RBFOX1: variants seen among roughly 807,000 people sequenced by gnomAD.
The protein encoded by RBFOX1 is RNA binding protein fox-1 homolog 1.
RBFOX1 carries 8 observed loss-of-function variants against 57.7 expected under a neutral mutation model. That is an observed-to-expected ratio of 0.14 (90% CI 0.08 to 0.25). RBFOX1 has a LOEUF of 0.25. Among genes scored for constraint, RBFOX1 ranks in the 10% least tolerant of loss-of-function variants. The pLI, the probability that RBFOX1 is intolerant of heterozygous loss-of-function variation, is 1.00. For missense variants in RBFOX1, 611 were observed against 548.5 expected (o/e 1.11, Z -1.14); for synonymous variants, 326 against 222.4 (o/e 1.47, Z -4.15).
chr16:6,693,798 A>G (rs1335155610), intron 3 of RBFOX1, among the ~76,000 whole-genome samples: 1 of 151,440 alleles, frequency 6.6e-6, no homozygotes, highest in Non-Finnish European at 1.5e-5. Flanking sequence ...TGCCATCACC[A>G]CCACCATCAT....
intron 4 of RBFOX1, among the ~76,000 whole-genome samples, chr16:7,229,738 G>A (rs564232805): frequency 1.5e-5 from 2 of 129,116 alleles, no homozygotes; most frequent in Admixed American, 7.9e-5. Flanking sequence ...GGGAGGGAGG[G>A]GGAAGAAGGA....
At chr16:7,200,404 C>T (rs1364644520) in intron 4 of RBFOX1, among the ~76,000 whole-genome samples, 3 of 152,170 alleles carry the variant, frequency 2.0e-5, no homozygotes, top group Non-Finnish European at 2.9e-5. Flanking sequence ...GAAAATATAA[C>T]CCACAACTGT....
intron 1 of RBFOX1, among the ~76,000 whole-genome samples, chr16:5,422,966 AGGGAGAGGGAGGAGTG>A (rs570466625): frequency 0.014 from 1,459 of 103,716 alleles, 22 homozygotes; most frequent in Non-Finnish European, 0.024. Context: ...GAGGAGGAGG[AGGGAGAGGGAGGAGTG>A]GGGAGAGGGA....
chr16:6,854,587 A>ATTTTT lies in RBFOX1; in HGVS notation c.-15-197449_-15-197445dup, dbSNP rs71147611. Reference sequence around the variant, plus strand: ...CCTCCCTGCCAACTAGGAGAGGTGAATTTTTTTTTTTTTTTTTTTTTTTTT... The same window carrying ATTTTT: ...CCTCCCTGCCAACTAGGAGAGGTGAATTTTTTTTTTTTTTTTTTTTTTTTTTTTTT... On this transcript the variant is annotated intron_variant, in intron 3 of 15. Transcript: ENST00000550418. Among the ~76,000 whole-genome samples the ATTTTT allele has an allele frequency of 3.7e-3, 264 of 70,640 alleles. 17 individuals carry two copies. The highest frequency in any genetic ancestry group is 0.025 in the East Asian group (49 of 1,974). The allele number at this position is 70,640 out of a possible 152,430, so 46.3% of individuals were successfully genotyped here. A position where few individuals can be genotyped will look rare whatever the true frequency, so the allele number is the denominator to read the frequency against.
intron 2 of RBFOX1, among the ~76,000 whole-genome samples, chr16:5,473,363 A>G (rs752551275): frequency 4.6e-5 from 7 of 152,036 alleles, no homozygotes; most frequent in South Asian, 2.1e-4. Context: ...ATTGCTTATC[A>G]TCATACCTCT....
intron 3 of RBFOX1, among the ~76,000 whole-genome samples, chr16:6,885,584 T>C (rs1398019538): frequency 6.6e-6 from 1 of 151,948 alleles, no homozygotes; most frequent in Non-Finnish European, 1.5e-5. Context: ...CAGGCTGGAG[T>C]GTAATGGCAC....
At chr16:6,008,632 G>A (rs987213434) in intron 4 of RBFOX1, among the ~76,000 whole-genome samples, 2 of 152,164 alleles carry the variant, frequency 1.3e-5, no homozygotes, top group African/African-American at 4.8e-5. Context: ...AACCAGGGGA[G>A]TTTGAAGATG....
chr16:7,181,583 C>G (rs2082724220), intron 4 of RBFOX1, among the ~76,000 whole-genome samples: 1 of 151,800 alleles, frequency 6.6e-6, no homozygotes, highest in African/African-American at 2.4e-5. Flanking sequence ...CTCTTTCTCG[C>G]TTGCTTGCTT....
intron 1 of RBFOX1, among the ~76,000 whole-genome samples, chr16:6,313,605 G>A (rs1362833608): frequency 6.6e-6 from 1 of 152,136 alleles, no homozygotes; most frequent in Non-Finnish European, 1.5e-5. Flanking sequence ...GGAGTGCATA[G>A]GTGAAGGTAG....
intron 3 of RBFOX1, among the ~76,000 whole-genome samples, chr16:6,846,802 A>T (rs1046866216): frequency 1.3e-5 from 2 of 151,940 alleles, no homozygotes; most frequent in African/African-American, 4.8e-5. Flanking sequence ...TTATTTATTC[A>T]TTTGTAAGCA....
intron 2 of RBFOX1, among the ~76,000 whole-genome samples, chr16:5,548,021 C>T (rs113374300): frequency 1.3e-5 from 2 of 151,404 alleles, no homozygotes; most frequent in African/African-American, 4.8e-5. Context: ...ATTAACCGGG[C>T]GTGGTGGCTT....
chr16:5,766,379 G>T (rs2053778791), intron 3 of RBFOX1, among the ~76,000 whole-genome samples: 1 of 152,176 alleles, frequency 6.6e-6, no homozygotes, highest in Non-Finnish European at 1.5e-5. Context: ...AAGGTCAGGA[G>T]ATCAAGACCA....
intron 3 of RBFOX1, among the ~76,000 whole-genome samples, chr16:6,857,739 G>A (rs1018075641): frequency 1.3e-5 from 2 of 152,140 alleles, no homozygotes; most frequent in Non-Finnish European, 2.9e-5. Flanking sequence ...ATTGGGAGAG[G>A]CAGGGAGAGC....
At chr16:5,796,915 T>C (rs1051528461) in intron 3 of RBFOX1, among the ~76,000 whole-genome samples, 1 of 152,230 alleles carries the variant, frequency 6.6e-6, no homozygotes, top group Admixed American at 6.5e-5. Flanking sequence ...ACAATATTTA[T>C]TGAGGATCTA....
intron 3 of RBFOX1, among the ~76,000 whole-genome samples, chr16:5,783,604 G>C (rs1032066340): frequency 6.6e-6 from 1 of 152,086 alleles, no homozygotes; most frequent in Admixed American, 6.6e-5. Context: ...TAACATAATT[G>C]TTTTCAGACT....
intron 2 of RBFOX1, among the ~76,000 whole-genome samples, chr16:6,463,868 C>A (rs138323034): frequency 7.2e-4 from 109 of 152,144 alleles, no homozygotes; most frequent in African/African-American, 2.5e-3. Context: ...GACTAGCTCT[C>A]GCGCCCACCA....
intron 2 of RBFOX1, among the ~76,000 whole-genome samples, chr16:6,542,604 C>G (rs1220211184): frequency 1.4e-5 from 2 of 148,090 alleles, no homozygotes; most frequent in Non-Finnish European, 3.0e-5. Context: ...ATTCTCCTGC[C>G]TCAGCCTGGC....
intron 3 of RBFOX1, among the ~76,000 whole-genome samples, chr16:7,018,305 T>C (rs1489638305): frequency 6.6e-6 from 1 of 152,168 alleles, no homozygotes; most frequent in African/African-American, 2.4e-5. Context: ...GGCGAGATGT[T>C]TAGTTTCAGT....
chr16:5,243,909 T>C (rs1485066687), intron 1 of RBFOX1, among the ~76,000 whole-genome samples: 8 of 152,164 alleles, frequency 5.3e-5, no homozygotes, highest in Non-Finnish European at 1.2e-4. Flanking sequence ...ATTTTTATTT[T>C]TTTTTAAGAT....
Sources: allele counts gnomAD v4.1 joint callset (sites outside exome capture counted in the v4.1 genomes callset), GRCh38; gene constraint gnomAD v4.1.1; transcripts MANE v1.5; gene names NCBI Gene and HGNC (gene_info 2026-07-23, HGNC 2026-07-21).